RIMS1: variants seen among roughly 807,000 people sequenced by gnomAD.
The protein encoded by RIMS1 is regulating synaptic membrane exocytosis protein 1.
A neutral mutation model predicts 214.1 loss-of-function variants in RIMS1; 83 were observed. The ratio of observed to expected loss-of-function variants is 0.39; its 90% CI spans 0.32 to 0.47. The LOEUF (loss-of-function observed/expected upper bound fraction) is 0.47, where lower values mean the gene tolerates loss of function less well. Among genes scored for constraint, RIMS1 ranks in the 20% least tolerant of loss-of-function variants. The pLI is 0.99. For missense variants in RIMS1, 2,050 were observed against 2,161.8 expected, an observed-to-expected ratio of 0.95 and a Z score of 1.03; for synonymous variants, 793 against 786.8, an observed-to-expected ratio of 1.01 and a Z score of -0.13.
chr6:72,389,593 A>G (rs1167134602), intron 29 of RIMS1, among the ~76,000 whole-genome samples: 2 of 152,148 alleles, frequency 1.3e-5, no homozygotes, highest in African/African-American at 4.8e-5. Context: ...GTGGATTGAA[A>G]AGTTAATGTG....
In RIMS1 at chr6:71,887,007, G is replaced by T; in HGVS notation, c.-17G>T. ...GAGAGCCAGAGAGCGAGCAGAGGGGGCGGGCAGGCCACGAAAATGTCCTCG... is the reference window on the plus strand; with the variant it reads ...GAGAGCCAGAGAGCGAGCAGAGGGGTCGGGCAGGCCACGAAAATGTCCTCG... On this transcript the variant is annotated 5_prime_UTR_variant, in exon 1 of 34. Coordinates refer to ENST00000521978, the MANE Select transcript of RIMS1 (RefSeq NM_014989.7). 1.2e-6 allele frequency: 2 copies of T among 1,610,180 alleles called. No individual in the cohort carries two copies. The highest frequency in any genetic ancestry group is 1.1e-5 in the South Asian group (1 of 90,590).
chr6:72,199,778 T>G, intron 6 of RIMS1, among the ~76,000 whole-genome samples: 1 of 152,142 alleles, frequency 6.6e-6, no homozygotes, highest in East Asian at 1.9e-4. Context: ...GCATCTTGTC[T>G]TTAATCAGTT....
At chr6:72,115,218 T>A (rs1325958325) in intron 4 of RIMS1, among the ~76,000 whole-genome samples, 1 of 151,948 alleles carries the variant, frequency 6.6e-6, no homozygotes, top group Non-Finnish European at 1.5e-5. Context: ...TTCAATTTTC[T>A]TAGACATACC....
At chr6:72,327,367 T>C (rs2096511698) in intron 28 of RIMS1, among the ~76,000 whole-genome samples, 1 of 151,856 alleles carries the variant, frequency 6.6e-6, no homozygotes, top group Non-Finnish European at 1.5e-5. Flanking sequence ...TTATGGTTGA[T>C]AATATTTCAT....
At chr6:72,092,291 C>CCTTCCTTCCTT (rs1554220984) in intron 2 of RIMS1, among the ~76,000 whole-genome samples, 7 of 107,938 alleles carry the variant, frequency 6.5e-5, no homozygotes, top group Non-Finnish European at 1.0e-4. Flanking sequence ...CTCCCTCCCT[C>CCTTCCTTCCTT]CCTTCCTTCC....
chr6:72,331,249 T>A (rs1026443312), intron 28 of RIMS1, among the ~76,000 whole-genome samples: 7 of 151,798 alleles, frequency 4.6e-5, no homozygotes, highest in Non-Finnish European at 5.9e-5. Flanking sequence ...GTGACTGATA[T>A]TAGAGATGGA....
intron 2 of RIMS1, among the ~76,000 whole-genome samples, chr6:72,005,611 G>T (rs1302882704): frequency 1.3e-5 from 2 of 152,154 alleles, no homozygotes; most frequent in Non-Finnish European, 2.9e-5. Context: ...CCATAATCAG[G>T]TACCAGGAAA....
chr6:71,926,533 T>C (rs995003408), intron 1 of RIMS1, among the ~76,000 whole-genome samples: 1 of 152,226 alleles, frequency 6.6e-6, no homozygotes, highest in Non-Finnish European at 1.5e-5. Context: ...AATTTTTACA[T>C]GTCCACATAG....
chr6:72,313,691 T>C lies in RIMS1; in HGVS notation c.4130+19T>C. On this transcript the variant is annotated intron_variant, in intron 28 of 33. Transcript: ENST00000521978. ...GAATCAGGTGAGTTGGCAATACTGT[T>C]TATATAAACTGGATCTTTATCTGTG... 6.3e-7 allele frequency: 1 copy of C among 1,590,976 alleles called. No individual in the cohort carries two copies. The highest frequency in any genetic ancestry group is 1.1e-5 in the South Asian group (1 of 87,878).
chr6:71,980,783 A>G (rs1798293936), intron 2 of RIMS1, among the ~76,000 whole-genome samples: 1 of 152,084 alleles, frequency 6.6e-6, no homozygotes, highest in Admixed American at 6.6e-5. Context: ...GAAAAAATGG[A>G]TGAGAGAGAC....
At chr6:72,097,922 T>C (rs971584537) in intron 3 of RIMS1, among the ~76,000 whole-genome samples, 5 of 152,196 alleles carry the variant, frequency 3.3e-5, no homozygotes, top group Non-Finnish European at 7.4e-5. Flanking sequence ...TTTAATGTTA[T>C]ACTTTATCAT....
chr6:71,910,190 C>A (rs1329222545), intron 1 of RIMS1, among the ~76,000 whole-genome samples: 1 of 151,926 alleles, frequency 6.6e-6, no homozygotes, highest in Non-Finnish European at 1.5e-5. Flanking sequence ...AAATGACTAC[C>A]CATTTAACGT....
chr6:72,108,054 TG>T (rs1324230113), intron 4 of RIMS1, among the ~76,000 whole-genome samples: 2 of 152,208 alleles, frequency 1.3e-5, no homozygotes, highest in African/African-American at 4.8e-5. Context: ...GGTCTCATTC[TG>T]TTGCCCAGGC....
Position 72,191,937 on chromosome 6 carries a change from C to G in RIMS1, c.1678+8788C>G, listed in dbSNP as rs115846441. On this transcript the variant is annotated intron_variant, in intron 6 of 33. Transcript: ENST00000521978. ...ATGGCACTAATCTCTTCAGTCACTC[C>G]AGGGATGTGATATTGTTTTTGATTT... is the stretch of plus-strand genomic sequence containing the variant. 2.9e-3 allele frequency among the ~76,000 whole-genome samples: 449 copies of G among 152,318 alleles called. 1 individual carries two copies. The highest frequency in any genetic ancestry group is 0.01 in the African/African-American group (432 of 41,570).
chr6:72,232,403 G>A (rs952660376), intron 6 of RIMS1, among the ~76,000 whole-genome samples: 2 of 151,566 alleles, frequency 1.3e-5, no homozygotes, highest in East Asian at 1.9e-4. Flanking sequence ...TTTACAAATA[G>A]TAAATATGAA....
chr6:72,335,973 C>T (rs2096831057), intron 29 of RIMS1, among the ~76,000 whole-genome samples: 1 of 151,666 alleles, frequency 6.6e-6, no homozygotes, highest in Admixed American at 6.6e-5. Context: ...GGTTATTAGC[C>T]CTTTGTCAGA....
chr6:72,260,630 TCATTGGCATAC>T, intron 18 of RIMS1, 64 bp from the exon 19 acceptor site: 1 of 1,576,142 alleles, frequency 6.3e-7, no homozygotes, highest in Non-Finnish European at 8.6e-7. Flanking sequence ...TTTCATGTTT[TCATTGGCATAC>T]CATTGGCATA....
intron 6 of RIMS1, among the ~76,000 whole-genome samples, chr6:72,215,989 T>C (rs1015945): frequency 0.48 from 72,689 of 152,028 alleles, 19,514 homozygotes; most frequent in East Asian, 0.83. Flanking sequence ...TATCCTCATT[T>C]GGCCATTTCA....
At position 72,020,607 on chromosome 6, in the gene RIMS1, G is replaced by A. The variant is rs146528598; in HGVS notation, c.245+51544G>A. Among the ~76,000 whole-genome samples the A allele has an allele frequency of 1.3e-4, 20 of 152,256 alleles. 1 individual carries two copies. The East Asian group carries it at 3.7e-3, about 28-fold the overall frequency. On this transcript the variant is annotated intron_variant, in intron 2 of 33. Coordinates refer to ENST00000521978, the MANE Select transcript of RIMS1 (RefSeq NM_014989.7). Reference sequence around the variant, plus strand: ...CTCCTTTTATTTCTCCATTTGCAGTGCACTTGATATTTCAATGGTATTTGA... The same window carrying A: ...CTCCTTTTATTTCTCCATTTGCAGTACACTTGATATTTCAATGGTATTTGA...
Sources: gnomAD v4.1 joint callset for allele counts (sites outside exome capture counted in the v4.1 genomes callset) on GRCh38, gnomAD v4.1.1 for gene constraint, MANE v1.5 for transcripts, NCBI Gene and HGNC (gene_info 2026-07-23, HGNC 2026-07-21) for gene names.